The following MPDZ variants were observed in gnomAD, a reference collection of about 807,000 sequenced individuals.
MPDZ encodes the protein multiple PDZ domain protein.
Under a neutral mutation model 239.1 loss-of-function variants are expected in MPDZ, and 234 were observed. The ratio of observed to expected loss-of-function variants is 0.98; its 90% CI spans 0.88 to 1.09. MPDZ has a LOEUF of 1.09. Ranked by LOEUF, MPDZ falls within the 50% of genes least tolerant of loss-of-function variation. The pLI is 0.00. For missense variants in MPDZ, 3,175 were observed against 2,510.0 expected (o/e 1.26, Z -5.66); for synonymous variants, 1,048 against 881.3 (o/e 1.19, Z -3.35).
At chr9:13,250,409 A>G in intron 1 of MPDZ, 37 bp from the exon 2 acceptor site, 1 of 1,104,484 alleles carries the variant, frequency 9.1e-7, no homozygotes, top group Non-Finnish European at 1.3e-6. Context: ...ATGTTTTATC[A>G]GAACTTTATA....
intron 3 of MPDZ, among the ~76,000 whole-genome samples, chr9:13,228,382 G>A (rs1961304651): frequency 6.6e-6 from 1 of 151,932 alleles, no homozygotes; most frequent in African/African-American, 2.4e-5. Flanking sequence ...ATGTGAAAGG[G>A]CAAACTAAAA....
intron 3 of MPDZ, among the ~76,000 whole-genome samples, chr9:13,235,049 T>A (rs1963579514): frequency 6.6e-6 from 1 of 152,128 alleles, no homozygotes; most frequent in Non-Finnish European, 1.5e-5. Flanking sequence ...GTTTGGAACC[T>A]AGAGAGGCCT....
chr9:13,119,898 C>T (rs934734026), intron 38 of MPDZ: 2 of 488,252 alleles, frequency 4.1e-6, no homozygotes, highest in Non-Finnish European at 3.7e-6. Flanking sequence ...TTTATATACA[C>T]TGAGTAGAAG....
At position 13,247,949 on chromosome 9, in the gene MPDZ, G is replaced by A. The variant is rs961252151; in HGVS notation, c.17-148C>T. 39 of 746,416 alleles carry A rather than the reference G, an allele frequency of 5.2e-5. No individual in the cohort carries two copies. The South Asian group carries it at 6.6e-4, about 13-fold the overall frequency. The allele number at this position is 746,416 out of a possible 1,614,324, so 46.2% of individuals were successfully genotyped here. ...AAATTGAATAAAAAAACAGTAGGCCGGACCCAGTGGCTCATGCCTGTAATC... is the reference window on the plus strand; with the variant it reads ...AAATTGAATAAAAAAACAGTAGGCCAGACCCAGTGGCTCATGCCTGTAATC... On this transcript the variant is annotated intron_variant, in intron 2 of 46. Transcript: ENST00000319217.
chr9:13,249,441 T>C (rs1222052159), intron 2 of MPDZ, among the ~76,000 whole-genome samples: 1 of 151,916 alleles, frequency 6.6e-6, no homozygotes, highest in African/African-American at 2.4e-5. Context: ...GTGAAGGAAA[T>C]GTACATACGT....
At chr9:13,233,591 A>G (rs1485619793) in intron 3 of MPDZ, among the ~76,000 whole-genome samples, 4 of 152,110 alleles carry the variant, frequency 2.6e-5, no homozygotes, top group African/African-American at 9.7e-5. Context: ...TGTATATTTA[A>G]TTTGTTAAAA....
At chr9:13,208,933 T>C (rs182352873) in intron 10 of MPDZ, among the ~76,000 whole-genome samples, 10 of 152,056 alleles carry the variant, frequency 6.6e-5, no homozygotes, top group African/African-American at 2.2e-4. Flanking sequence ...ACTAACAAAA[T>C]AGAACAGAGA....
intron 22 of MPDZ, chr9:13,165,546 T>C (rs1477268785): frequency 6.1e-6 from 5 of 820,750 alleles, no homozygotes; most frequent in African/African-American, 3.5e-5. Context: ...CCTTTCCACC[T>C]CCCTCCCATC....
At chr9:13,121,586 G>A (rs1380190662) in intron 38 of MPDZ, among the ~76,000 whole-genome samples, 153 bp downstream of exon 38, 5 of 152,248 alleles carry the variant, frequency 3.3e-5, no homozygotes, top group African/African-American at 1.2e-4. Flanking sequence ...CAAAACCAAT[G>A]TCTTTTTATG....
intron 1 of MPDZ, among the ~76,000 whole-genome samples, chr9:13,261,885 A>T (rs1970765981): frequency 1.7e-5 from 2 of 115,110 alleles, no homozygotes; most frequent in Non-Finnish European, 3.7e-5. Flanking sequence ...AAAAAAAAAA[A>T]ATTGTTAAAA....
chr9:13,272,428 C>T (rs957137400), intron 1 of MPDZ, among the ~76,000 whole-genome samples: 12 of 152,062 alleles, frequency 7.9e-5, no homozygotes, highest in African/African-American at 2.7e-4. Flanking sequence ...AGAGCCATTC[C>T]AATGCTATAG....
intron 26 of MPDZ, 113 bp from the exon 27 acceptor site, chr9:13,143,677 T>C (rs1948052233): frequency 5.0e-6 from 4 of 803,802 alleles, no homozygotes; most frequent in Non-Finnish European, 8.7e-6. Flanking sequence ...AACTAGATCC[T>C]ATCAGATCCA....
intron 3 of MPDZ, among the ~76,000 whole-genome samples, chr9:13,245,074 T>C (rs1966288009): frequency 6.6e-6 from 1 of 152,134 alleles, no homozygotes; most frequent in Non-Finnish European, 1.5e-5. Flanking sequence ...ATTGGTCAGA[T>C]TTGTGTAGCC....
intron 35 of MPDZ, among the ~76,000 whole-genome samples, chr9:13,124,658 T>A (rs143168410): frequency 6.6e-6 from 1 of 152,258 alleles, no homozygotes; most frequent in African/African-American, 2.4e-5. Flanking sequence ...CCATTTCCAT[T>A]ATGACAGGAC....
intron 24 of MPDZ, among the ~76,000 whole-genome samples, chr9:13,152,721 T>A (rs1563915617): frequency 6.6e-6 from 1 of 152,070 alleles, no homozygotes; most frequent in Non-Finnish European, 1.5e-5. Flanking sequence ...ATTCCTTAAG[T>A]TCATCTGGTA....
chr9:13,110,694 ATGCCCTCAGTGGAT>A lies in MPDZ; in HGVS notation c.5757_5770del (p.Ser1920AspfsTer7). ...TAGGTTAACTGCTTGGGTGTGAGTCATGCCCTCAGTGGATGTGCCACAGATGGTGACAATCCTAT... is the reference window on the plus strand; with the variant it reads ...TAGGTTAACTGCTTGGGTGTGAGTCAGTGCCACAGATGGTGACAATCCTAT... On this transcript the variant is annotated frameshift_variant, in exon 44 of 47. Transcript: ENST00000319217. LOFTEE classifies it high-confidence loss of function. 6.2e-7 allele frequency: 1 copy of A among 1,613,718 alleles called. No homozygotes were observed. The highest frequency in any genetic ancestry group is 8.5e-7 in the Non-Finnish European group (1 of 1,179,778).
chr9:13,109,414 T>G (rs1942038916), intron 45 of MPDZ, among the ~76,000 whole-genome samples: 1 of 152,198 alleles, frequency 6.6e-6, no homozygotes, highest in African/African-American at 2.4e-5. Flanking sequence ...GAATAAGTCA[T>G]AAACATCAGT....
chr9:13,232,343 T>G (rs1325420406), intron 3 of MPDZ, among the ~76,000 whole-genome samples: 1 of 152,170 alleles, frequency 6.6e-6, no homozygotes, highest in Admixed American at 6.5e-5. Flanking sequence ...TTTGTTTAAT[T>G]GGAACACAAC....
At chr9:13,261,098 A>G (rs12237804) in intron 1 of MPDZ, among the ~76,000 whole-genome samples, 3,673 of 152,306 alleles carry the variant, frequency 0.024, 136 homozygotes, top group East Asian at 0.19. Context: ...TTGAGAGAAT[A>G]AGTCAATTAA....
Sources: allele counts gnomAD v4.1 joint callset (sites outside exome capture counted in the v4.1 genomes callset), GRCh38; gene constraint gnomAD v4.1.1; transcripts MANE v1.5; gene names NCBI Gene and HGNC (gene_info 2026-07-23, HGNC 2026-07-21).